The following LPP variants were observed in gnomAD, a reference collection of about 807,000 sequenced individuals.
The protein encoded by LPP is LIM domain containing preferred translocation partner in lipoma.
LPP carries 38 observed loss-of-function variants against 60.4 expected under a neutral mutation model. That is an observed-to-expected ratio of 0.63 (90% CI 0.49 to 0.83). LPP has a LOEUF of 0.83. Ranked by LOEUF, LPP falls within the 40% of genes least tolerant of loss-of-function variation. The probability of loss-of-function intolerance (pLI) is 0.00; values close to 1 mark genes in which losing one functional copy is unlikely to be tolerated. For synonymous variants in LPP, 328 were observed against 290.8 expected (o/e 1.13, Z -1.30); for missense variants, 902 against 783.6 (o/e 1.15, Z -1.80).
Position 188,887,805 on chromosome 3 carries a change from A to C in LPP, c.*13326A>C. The C allele has an allele frequency of 4.8e-6, 1 of 209,438 alleles. No homozygotes were observed. The highest frequency in any genetic ancestry group is 9.7e-6 in the Non-Finnish European group (1 of 102,942). 13.0% of individuals were successfully genotyped at this position (209,438 alleles called of 1,614,324 possible). ...AAGACTTTATAGTAAAGTAGTAGCA[A>C]AATTATTTTTAAAAGACTTTCTTCC... On this transcript the variant is annotated 3_prime_UTR_variant, in exon 12 of 12. Coordinates refer to ENST00000617246, the MANE Select transcript of LPP (RefSeq NM_001375462.1).
At chr3:188,683,573 A>C (rs1362733348) in intron 7 of LPP, among the ~76,000 whole-genome samples, 1 of 152,126 alleles carries the variant, frequency 6.6e-6, no homozygotes, top group African/African-American at 2.4e-5. Flanking sequence ...TGCTGTGTCC[A>C]TTTGCCTTGT....
intron 4 of LPP, among the ~76,000 whole-genome samples, chr3:188,411,156 A>C (rs938050374): frequency 6.6e-6 from 1 of 152,136 alleles, no homozygotes; most frequent in Admixed American, 6.6e-5. Flanking sequence ...ATATACAGAC[A>C]ATAATCATAT....
chr3:188,828,614 CAAA>C (rs71169022), intron 9 of LPP, among the ~76,000 whole-genome samples: 3 of 31,336 alleles, frequency 9.6e-5, no homozygotes, highest in South Asian at 5.0e-3. Flanking sequence ...AACTCTGTCT[CAAA>C]AAAAAAAAAA....
At chr3:188,280,563 C>G (rs191469343) in intron 2 of LPP, among the ~76,000 whole-genome samples, 64 of 151,912 alleles carry the variant, frequency 4.2e-4, no homozygotes, top group Non-Finnish European at 7.7e-4. Context: ...CAGTGCCCAT[C>G]CCCCACCCCG....
At chr3:188,384,433 C>G (rs983101122) in intron 3 of LPP, among the ~76,000 whole-genome samples, 2 of 151,600 alleles carry the variant, frequency 1.3e-5, no homozygotes, top group African/African-American at 2.4e-5. Flanking sequence ...GATGGGCAAC[C>G]CTGATGATCC....
At chr3:188,210,063 C>T (rs990682067) in intron 1 of LPP, among the ~76,000 whole-genome samples, 9 of 144,824 alleles carry the variant, frequency 6.2e-5, no homozygotes, top group Non-Finnish European at 1.1e-4. Context: ...AACCAAGGCT[C>T]GAAAATATTA....
At chr3:188,274,039 C>G (rs1453021964) in intron 2 of LPP, among the ~76,000 whole-genome samples, 2 of 152,114 alleles carry the variant, frequency 1.3e-5, no homozygotes, top group African/African-American at 4.8e-5. Flanking sequence ...AAAGTAAACC[C>G]TTCTCTTAAA....
intron 3 of LPP, among the ~76,000 whole-genome samples, chr3:188,368,699 CACACACACACACACACACACAGAG>C (rs1438043213): frequency 4.0e-4 from 47 of 118,446 alleles, no homozygotes; most frequent in Non-Finnish European, 7.1e-4. Context: ...CACACACACA[CACACACACACACACACACACAGAG>C]AGAGAGAGAG....
intron 2 of LPP, among the ~76,000 whole-genome samples, chr3:188,267,651 C>T (rs1736065752): frequency 6.6e-6 from 1 of 152,180 alleles, no homozygotes; most frequent in South Asian, 2.1e-4. Flanking sequence ...ATGACCTGTG[C>T]TCAGCATTCT....
At chr3:188,320,759 G>T (rs1756697450) in intron 2 of LPP, among the ~76,000 whole-genome samples, 1 of 152,180 alleles carries the variant, frequency 6.6e-6, no homozygotes. Context: ...ATGCACTGAT[G>T]CATCGTACTT....
At chr3:188,698,180 C>T (rs995509729) in intron 7 of LPP, among the ~76,000 whole-genome samples, 12 of 152,084 alleles carry the variant, frequency 7.9e-5, no homozygotes, top group Middle Eastern at 3.2e-3. Flanking sequence ...GAAGATGAAA[C>T]GTGTGCCTGG....
intron 8 of LPP, among the ~76,000 whole-genome samples, chr3:188,754,220 T>C (rs1055059922): frequency 5.9e-5 from 9 of 152,292 alleles, no homozygotes; most frequent in Middle Eastern, 3.4e-3. Flanking sequence ...CCAATTAATA[T>C]AAGTAAACCA....
rs78671933 is a variant in LPP at position 188,287,710 on chromosome 3, C to T, written c.-66-53953C>T. ...GATGGCCAATAAGTTCTTTTTTTCT[C>T]TGGCAAGAAGCTAAGTAAAGGCAAG... On this transcript the variant is annotated intron_variant, in intron 2 of 11. Coordinates refer to ENST00000617246, the MANE Select transcript of LPP (RefSeq NM_001375462.1). Among the ~76,000 whole-genome samples the T allele has an allele frequency of 7.5e-3, 1,146 of 152,086 alleles. 19 individuals carry two copies. The highest frequency in any genetic ancestry group is 0.026 in the African/African-American group (1,089 of 41,502).
chr3:188,351,166 G>C (rs1477006559), intron 3 of LPP, among the ~76,000 whole-genome samples: 1 of 152,168 alleles, frequency 6.6e-6, no homozygotes, highest in Non-Finnish European at 1.5e-5. Flanking sequence ...CTGGCACAGG[G>C]CCCCAGACAT....
intron 3 of LPP, among the ~76,000 whole-genome samples, chr3:188,346,565 A>G (rs986363690): frequency 2.6e-5 from 4 of 152,026 alleles, no homozygotes; most frequent in Non-Finnish European, 5.9e-5. Context: ...TGCCTGGCCT[A>G]AAGTAGTAGT....
intron 4 of LPP, 22 bp downstream of exon 4, chr3:188,406,335 T>C: frequency 6.2e-7 from 1 of 1,600,764 alleles, no homozygotes; most frequent in Non-Finnish European, 8.5e-7. Flanking sequence ...GATTTCAGAG[T>C]TGGTTACTTG....
chr3:188,183,732 G>A (rs1194664645), intron 1 of LPP, among the ~76,000 whole-genome samples: 1 of 151,924 alleles, frequency 6.6e-6, no homozygotes, highest in Non-Finnish European at 1.5e-5. Flanking sequence ...TAACAGCCAT[G>A]GGAGGGGGTG....
chr3:188,613,363 G>A (rs189863176), intron 7 of LPP, among the ~76,000 whole-genome samples: 3 of 148,876 alleles, frequency 2.0e-5, no homozygotes, highest in African/African-American at 7.3e-5. Flanking sequence ...TTTAGATAAG[G>A]TGGCTCAGCT....
At chr3:188,392,182 A>C (rs1375487377) in intron 3 of LPP, among the ~76,000 whole-genome samples, 1 of 152,218 alleles carries the variant, frequency 6.6e-6, no homozygotes, top group African/African-American at 2.4e-5. Context: ...TTGTCAGTGT[A>C]GTTAATTATA....
Sources: allele counts gnomAD v4.1 joint callset (sites outside exome capture counted in the v4.1 genomes callset), GRCh38; gene constraint gnomAD v4.1.1; transcripts MANE v1.5; gene names NCBI Gene and HGNC (gene_info 2026-07-23, HGNC 2026-07-21).